The following CDHR1 variants were observed in gnomAD, a reference collection of about 807,000 sequenced individuals.
The protein encoded by CDHR1 is cadherin-related family member 1.
Under a neutral mutation model 72.1 loss-of-function variants are expected in CDHR1, and 61 were observed. That is an observed-to-expected ratio of 0.85 (90% CI 0.69 to 1.05). The LOEUF (loss-of-function observed/expected upper bound fraction) is 1.05. CDHR1 is among the 50% of genes least tolerant of loss of function. CDHR1 has a pLI of 0.00. For missense variants in CDHR1, 1,186 were observed against 1,115.7 expected, an observed-to-expected ratio of 1.06 and a Z score of -0.90; for synonymous variants, 470 against 448.1, an observed-to-expected ratio of 1.05 and a Z score of -0.62.
At chr10:84,197,074 T>C (rs747535392) in intron 3 of CDHR1, among the ~76,000 whole-genome samples, 1 of 152,164 alleles carries the variant, frequency 6.6e-6, no homozygotes, top group African/African-American at 2.4e-5. Flanking sequence ...GCTCCTCCAC[T>C]CTACACACTT....
chr10:84,201,798 T>C lies in CDHR1; in HGVS notation c.526-9T>C. ...TTGCTGAGGTCCAGCTGCCCCCTAATTCTTATAGAACCTGCACTCCCCATT... is the reference window on the plus strand; with the variant it reads ...TTGCTGAGGTCCAGCTGCCCCCTAACTCTTATAGAACCTGCACTCCCCATT... On this transcript the variant is annotated splice_polypyrimidine_tract_variant and intron_variant, in intron 6 of 16. Transcript: ENST00000623527. 1 of 1,608,560 alleles carries C rather than the reference T, an allele frequency of 6.2e-7. No individual in the cohort carries two copies. Among genetic ancestry groups the C allele is most frequent in the South Asian group, 1.1e-5 (1 of 91,050 alleles).
At chr10:84,204,717 GAT>G (rs1842194024) in intron 9 of CDHR1, 112 bp downstream of exon 9, 1 of 760,870 alleles carries the variant, frequency 1.3e-6, no homozygotes, top group African/African-American at 1.7e-5. Flanking sequence ...AGGATTACAA[GAT>G]GTATGGAGAG....
intron 1 of CDHR1, among the ~76,000 whole-genome samples, chr10:84,195,191 C>T (rs1367145085): frequency 6.6e-6 from 1 of 152,220 alleles, no homozygotes; most frequent in Non-Finnish European, 1.5e-5. Context: ...GGCACTGCCC[C>T]TCTCCGAGCG....
At chr10:84,201,329 C>T (rs1003869078) in intron 6 of CDHR1, among the ~76,000 whole-genome samples, 10 of 152,210 alleles carry the variant, frequency 6.6e-5, no homozygotes, top group African/African-American at 2.2e-4. Context: ...GTGCTCCCTG[C>T]CTGCCTCCTT....
chr10:84,196,596 T>C lies in CDHR1; in HGVS notation c.243T>C (p.Phe81=). The C allele has an allele frequency of 6.2e-7, 1 of 1,614,222 alleles. No homozygotes were observed. ...TTGACCCCAGCACTAGAAGCGTCTT[T>C]TCTGTTGACCCCACTTTTGGAAACA... ...ISFDPSTRSV[F]SVDPTFGNIT... is the part of the protein sequence containing the mutation. The change falls in exon 3 of 17, where the codon TTT becomes TTC. Residue 81 remains phenylalanine, a synonymous_variant. Coordinates refer to ENST00000623527, the MANE Select transcript of CDHR1 (RefSeq NM_033100.4).
intron 2 of CDHR1, among the ~76,000 whole-genome samples, 183 bp from the exon 3 acceptor site, chr10:84,196,318 AACAT>A (rs1842028877): frequency 6.6e-6 from 1 of 152,208 alleles, no homozygotes; most frequent in African/African-American, 2.4e-5. Context: ...GTGAAGAATA[AACAT>A]ACAAAGAGGG....
intron 10 of CDHR1, among the ~76,000 whole-genome samples, chr10:84,207,049 G>T (rs1181711713): frequency 1.3e-5 from 2 of 152,208 alleles, no homozygotes; most frequent in Admixed American, 1.3e-4. Flanking sequence ...AGTGAAGTAG[G>T]TGAGGAAGGA....
In CDHR1 at chr10:84,194,834, G is replaced by A; in HGVS notation, c.55+19G>A. On this transcript the variant is annotated intron_variant, in intron 1 of 16. Transcript: ENST00000623527. ...TGCTTGGGTGAGTGGCCGCTGGGCC[G>A]CGCTGGCCGCGTGGATGGCGAGGGA... 6.5e-7 allele frequency: 1 copy of A among 1,532,710 alleles called. No homozygotes were observed. The highest frequency in any genetic ancestry group is 8.7e-7 in the Non-Finnish European group (1 of 1,145,424). 94.9% of individuals were successfully genotyped at this position (1,532,710 alleles called of 1,614,324 possible). A position where few individuals can be genotyped will look rare whatever the true frequency, so the allele number is the denominator to read the frequency against.
chr10:84,199,990 T>C (rs1042439435), intron 5 of CDHR1, among the ~76,000 whole-genome samples: 6 of 152,274 alleles, frequency 3.9e-5, no homozygotes, highest in Admixed American at 1.3e-4. Context: ...CTGACCAACA[T>C]GGTGAAACAG....
intron 12 of CDHR1, among the ~76,000 whole-genome samples, chr10:84,210,196 G>A (rs1405755160): frequency 6.6e-6 from 1 of 152,162 alleles, no homozygotes; most frequent in African/African-American, 2.4e-5. Context: ...CTCCTGCCTG[G>A]AAATAGAGCC....
intron 1 of CDHR1, 78 bp from the exon 2 acceptor site, chr10:84,195,416 C>T (rs1217284954): frequency 1.5e-6 from 2 of 1,345,184 alleles, no homozygotes; most frequent in South Asian, 1.2e-5. Flanking sequence ...GACGCGGGAC[C>T]GCGCTGGTGC....
rs1841995493 is a variant in CDHR1, at chr10:84,194,732, G to A, written c.-29G>A. ...TGCCCCTGCGCCCGGTCTCGGCGGC[G>A]GCAGGCGACACTCCGCGCCGGCGGA... On this transcript the variant is annotated 5_prime_UTR_variant, in exon 1 of 17. Coordinates refer to ENST00000623527, the MANE Select transcript of CDHR1 (RefSeq NM_033100.4). 2.7e-6 allele frequency: 4 copies of A among 1,470,586 alleles called. No individual in the cohort carries two copies. The highest frequency in any genetic ancestry group is 2.7e-5 in the South Asian group (2 of 74,112). The allele number at this position is 1,470,586 out of a possible 1,614,324, so 91.1% of individuals were successfully genotyped here. A position where few individuals can be genotyped will look rare whatever the true frequency, so the allele number is the denominator to read the frequency against.
In CDHR1 at chr10:84,215,599, C is replaced by G. The variant is rs971148911; in HGVS notation, c.*978C>G. 1.1e-6 allele frequency: 1 copy of G among 897,790 alleles called. No individual in the cohort carries two copies. Among genetic ancestry groups the G allele is most frequent in the African/African-American group, 1.8e-5 (1 of 55,404 alleles). 55.6% of individuals were successfully genotyped at this position (897,790 alleles called of 1,614,324 possible). On this transcript the variant is annotated 3_prime_UTR_variant, in exon 17 of 17. Transcript: ENST00000623527. ...TCATCTGTAAATGAAGAAAGTAGGC[C>G]CTGTCTACCTCACATGCAGGTCTAG...
rs1203464898 is a variant in CDHR1 at position 84,214,465 on chromosome 10, G to A, written c.2424G>A (p.Gln808=). 6.2e-6 allele frequency: 10 copies of A among 1,611,264 alleles called. No homozygotes were observed. Among genetic ancestry groups the A allele is most frequent in the Non-Finnish European group, 8.5e-6 (10 of 1,179,844 alleles). Residue 808 remains glutamine (Q), a synonymous_variant, in exon 17 of 17, where the codon CAG becomes CAA. Coordinates refer to ENST00000623527, the MANE Select transcript of CDHR1 (RefSeq NM_033100.4). ...TGGCGCCCAGCACTGGCGCAGCCCA[G>A]TGGACCGTGCCTACTGTCTCTGGCT... ...PSVAPSTGAA[Q]WTVPTVSGSL...
intron 7 of CDHR1, among the ~76,000 whole-genome samples, chr10:84,202,541 G>A (rs866228442): frequency 3.9e-5 from 6 of 152,272 alleles, no homozygotes; most frequent in South Asian, 2.1e-4. Flanking sequence ...AGTCAGCCTC[G>A]CCTGCCCATA....
rs1320886746 is a variant in CDHR1 at position 84,218,561 on chromosome 10, G to A, written c.*3940G>A. The A allele has an allele frequency of 9.1e-6, 9 of 985,264 alleles. No homozygotes were observed. Among genetic ancestry groups the A allele is most frequent in the East Asian group, 1.1e-4 (1 of 8,834 alleles). 61.0% of individuals were successfully genotyped at this position (985,264 alleles called of 1,614,324 possible). A position where few individuals can be genotyped will look rare whatever the true frequency, so the allele number is the denominator to read the frequency against. ...ACATTCCTCTCTTTAATTGCTAATC[G>A]CCTGGGCCTAGGGAGTCTTCATTTT... is the stretch of plus-strand genomic sequence containing the variant. On this transcript the variant is annotated 3_prime_UTR_variant, in exon 17 of 17. Transcript: ENST00000623527.
chr10:84,215,815 G>A lies in CDHR1; in HGVS notation c.*1194G>A. 2 of 985,520 alleles carry A rather than the reference G, an allele frequency of 2.0e-6. No homozygotes were observed. The highest frequency in any genetic ancestry group is 2.4e-6 in the Non-Finnish European group (2 of 830,018). 61.0% of individuals were successfully genotyped at this position (985,520 alleles called of 1,614,324 possible). A position where few individuals can be genotyped will look rare whatever the true frequency, so the allele number is the denominator to read the frequency against. On this transcript the variant is annotated 3_prime_UTR_variant, in exon 17 of 17. Coordinates refer to ENST00000623527, the MANE Select transcript of CDHR1 (RefSeq NM_033100.4). The stretch of plus-strand genomic sequence containing the variant: ...GCTTAGGGGCTACCACTGGATGATG[G>A]CATTGCCGTGACTCACACACCTCTA...
chr10:84,213,047 A>T (rs767733435), intron 15 of CDHR1, 44 bp from the exon 16 acceptor site: 1 of 1,614,016 alleles, frequency 6.2e-7, no homozygotes, highest in Non-Finnish European at 8.5e-7. Flanking sequence ...GTACACAAGG[A>T]TTGTCCCCAA....
At chr10:84,219,227 A>G, downstream of CDHR1, 3 of 1,550,890 alleles carry the variant, frequency 1.9e-6, no homozygotes, top group Non-Finnish European at 2.6e-6. Flanking sequence ...AATCTGAGTA[A>G]TGTGAATCTG....
Sources: gnomAD v4.1 joint callset for allele counts (sites outside exome capture counted in the v4.1 genomes callset) on GRCh38, gnomAD v4.1.1 for gene constraint, MANE v1.5 for transcripts, NCBI Gene and HGNC (gene_info 2026-07-23, HGNC 2026-07-21) for gene names.